Variants in LMNB1 observed in about 807,000 individuals in gnomAD.
LMNB1 encodes the protein lamin B1.
In LMNB1, 23 loss-of-function variants were observed where a neutral mutation model predicts 67.1. The observed-to-expected ratio is 0.34, with a 90% confidence interval of 0.25 to 0.49. The LOEUF is 0.49. Among genes scored for constraint, LMNB1 ranks in the 20% least tolerant of loss-of-function variants. LMNB1 has a pLI of 0.99. For synonymous variants in LMNB1, 281 were observed against 282.9 expected (o/e 0.99, Z 0.07); for missense variants, 634 against 746.5 (o/e 0.85, Z 1.76).
chr5:126,777,481 C>G lies in LMNB1; in HGVS notation c.-28C>G. ...CTTATCACGGTCCCGCTCGCGGCCT[C>G]GCCGCCCCGCTGTCTCCGCCGCCCG... is the stretch of plus-strand genomic sequence containing the variant. On this transcript the variant is annotated 5_prime_UTR_variant, in exon 1 of 11. Transcript: ENST00000261366. 1 of 1,303,884 alleles carries G rather than the reference C, an allele frequency of 7.7e-7. No individual in the cohort carries two copies. 80.8% of individuals were successfully genotyped at this position (1,303,884 alleles called of 1,614,324 possible). A position where few individuals can be genotyped will look rare whatever the true frequency, so the allele number is the denominator to read the frequency against.
intron 1 of LMNB1, among the ~76,000 whole-genome samples, chr5:126,799,673 G>C (rs892563939): frequency 6.6e-6 from 1 of 152,134 alleles, no homozygotes; most frequent in Non-Finnish European, 1.5e-5. Context: ...CTTCCTGGTA[G>C]TACATAGTAG....
chr5:126,789,594 C>G (rs1750899948), intron 1 of LMNB1, among the ~76,000 whole-genome samples: 1 of 152,180 alleles, frequency 6.6e-6, no homozygotes, highest in African/African-American at 2.4e-5. Context: ...AACTTGTTTA[C>G]TCCTCTTTAG....
chr5:126,836,454 G>A lies in LMNB1; in HGVS notation c.*190G>A, dbSNP rs564408766. The A allele has an allele frequency of 2.0e-6, 1 of 503,580 alleles. No individual in the cohort carries two copies. Among genetic ancestry groups the A allele is most frequent in the East Asian group, 3.1e-5 (1 of 31,750 alleles). 31.2% of individuals were successfully genotyped at this position (503,580 alleles called of 1,614,324 possible). On this transcript the variant is annotated 3_prime_UTR_variant, in exon 11 of 11. Coordinates refer to ENST00000261366, the MANE Select transcript of LMNB1 (RefSeq NM_005573.4). ...AAAAGAAATCATGTCCATACACTTT[G>A]TTGCAAGATGTGAATTATTGACACT...
At chr5:126,801,652 C>T (rs1051899896) in intron 1 of LMNB1, among the ~76,000 whole-genome samples, 5 of 152,206 alleles carry the variant, frequency 3.3e-5, no homozygotes, top group Non-Finnish European at 4.4e-5. Flanking sequence ...TAAACAAGAA[C>T]AATACTGCAT....
chr5:126,835,709 C>T (rs1651510526), intron 10 of LMNB1, among the ~76,000 whole-genome samples: 1 of 152,204 alleles, frequency 6.6e-6, no homozygotes, highest in South Asian at 2.1e-4. Flanking sequence ...TTGTTTTAAA[C>T]TCCTCAGGAT....
chr5:126,833,581 AC>A (rs1437157939), intron 10 of LMNB1, among the ~76,000 whole-genome samples: 7 of 152,330 alleles, frequency 4.6e-5, no homozygotes, highest in African/African-American at 1.7e-4. Flanking sequence ...TGAATTTTTT[AC>A]CTGGATGCCT....
chr5:126,804,260 T>TTTTG (rs1751359352), intron 1 of LMNB1, among the ~76,000 whole-genome samples: 1 of 128,408 alleles, frequency 7.8e-6, no homozygotes, highest in African/African-American at 2.7e-5. Context: ...TTTTTTTTTG[T>TTTTG]AGATTTGGGG....
rs376507979 is a variant in LMNB1 at position 126,821,094 on chromosome 5, G to A, written c.1345G>A (p.Val449Ile). ...AAATGTTTGCATCGAAGAAATTGAT[G>A]TTGATGGGAAATTTATCCGCTTGAA... is the stretch of plus-strand genomic sequence containing the variant. ...TGNVCIEEID[V>I]DGKFIRLKNT... Residue 449 changes from valine to isoleucine, a missense_variant, in exon 7 of 11, where the codon GTT becomes ATT. Coordinates refer to ENST00000261366, the MANE Select transcript of LMNB1 (RefSeq NM_005573.4). 17 of 1,613,936 alleles carry A rather than the reference G, an allele frequency of 1.1e-5. No homozygotes were observed. Among genetic ancestry groups the A allele is most frequent in the East Asian group, 2.2e-5 (1 of 44,858 alleles).
chr5:126,814,546 T>G (rs1203905637), intron 5 of LMNB1, among the ~76,000 whole-genome samples: 1 of 152,050 alleles, frequency 6.6e-6, no homozygotes, highest in African/African-American at 2.4e-5. Flanking sequence ...GTTGGTTTTT[T>G]TTTTTTTTTG....
At chr5:126,788,979 T>A (rs186974045) in intron 1 of LMNB1, among the ~76,000 whole-genome samples, 10 of 151,884 alleles carry the variant, frequency 6.6e-5, no homozygotes, top group South Asian at 2.1e-4. Context: ...CACTATAACC[T>A]GGACCTCCCA....
intron 1 of LMNB1, among the ~76,000 whole-genome samples, chr5:126,788,458 G>A (rs1416797766): frequency 1.3e-5 from 2 of 152,116 alleles, no homozygotes; most frequent in African/African-American, 2.4e-5. Flanking sequence ...GCAACATGGC[G>A]AAACCCCGTT....
chr5:126,826,207 C>T (rs1392191030), intron 9 of LMNB1, 100 bp downstream of exon 9: 2 of 1,326,302 alleles, frequency 1.5e-6, no homozygotes, highest in Non-Finnish European at 2.1e-6. Flanking sequence ...TAACCGATTG[C>T]ATAAACAGAC....
chr5:126,787,487 ATG>A (rs1561735598), intron 1 of LMNB1, among the ~76,000 whole-genome samples: 37 of 103,826 alleles, frequency 3.6e-4, no homozygotes, highest in East Asian at 7.1e-4. Context: ...TTACTTATAT[ATG>A]AAGTATATGT....
At chr5:126,831,342 G>T (rs1752125367) in intron 9 of LMNB1, among the ~76,000 whole-genome samples, 1 of 152,190 alleles carries the variant, frequency 6.6e-6, no homozygotes, top group Non-Finnish European at 1.5e-5. Context: ...CATCAGGTTA[G>T]CCTTGTGCTT....
intron 1 of LMNB1, 135 bp downstream of exon 1, chr5:126,778,002 C>A: frequency 1.3e-6 from 1 of 782,562 alleles, no homozygotes; most frequent in Non-Finnish European, 1.8e-6. Flanking sequence ...AACAGGGTCT[C>A]GGTCTCCGGA....
intron 1 of LMNB1, among the ~76,000 whole-genome samples, chr5:126,800,982 A>ATAAAATTTTTT: frequency 5.4e-5 from 1 of 18,632 alleles, no homozygotes; most frequent in African/African-American, 1.7e-4. Context: ...TATATATATA[A>ATAAAATTTTTT]TTTTTTTTTT....
chr5:126,811,360 T>C (rs1193577264), intron 4 of LMNB1, among the ~76,000 whole-genome samples: 5 of 152,212 alleles, frequency 3.3e-5, no homozygotes, highest in Admixed American at 3.3e-4. Context: ...ATCTATAAAC[T>C]AGTATTTTCT....
chr5:126,827,288 T>C (rs1752019596), intron 9 of LMNB1, among the ~76,000 whole-genome samples: 1 of 152,218 alleles, frequency 6.6e-6, no homozygotes, highest in Non-Finnish European at 1.5e-5. Context: ...TCTGGCATCA[T>C]GGAGCCCACA....
At chr5:126,787,544 A>ATTTTTTTTTTT (rs1222029249) in intron 1 of LMNB1, among the ~76,000 whole-genome samples, 7 of 76,292 alleles carry the variant, frequency 9.2e-5, no homozygotes, top group South Asian at 8.5e-4. Flanking sequence ...ATATATATAT[A>ATTTTTTTTTTT]TATTTTTTTT....
Sources: gnomAD v4.1 joint callset for allele counts (sites outside exome capture counted in the v4.1 genomes callset) on GRCh38, gnomAD v4.1.1 for gene constraint, MANE v1.5 for transcripts, NCBI Gene and HGNC (gene_info 2026-07-23, HGNC 2026-07-21) for gene names.